KDM4C: variants seen among roughly 807,000 people sequenced by gnomAD.
The protein encoded by KDM4C is lysine demethylase 4C.
A neutral mutation model predicts 129.3 loss-of-function variants in KDM4C; 81 were observed. The ratio of observed to expected loss-of-function variants is 0.63; its 90% CI spans 0.52 to 0.75. KDM4C has a LOEUF of 0.75. KDM4C is among the 30% of genes least tolerant of loss of function. The pLI, the probability that KDM4C is intolerant of heterozygous loss-of-function variation, is 0.00. For synonymous variants in KDM4C, 573 were observed against 456.1 expected (o/e 1.26, Z -3.26); for missense variants, 1,457 against 1,304.0 (o/e 1.12, Z -1.81).
chr9:7,114,232 T>A (rs1168198101), intron 18 of KDM4C, among the ~76,000 whole-genome samples: 1 of 152,086 alleles, frequency 6.6e-6, no homozygotes, highest in Non-Finnish European at 1.5e-5. Context: ...ACCTGTAAAA[T>A]CTCTCTGCAG....
intron 17 of KDM4C, among the ~76,000 whole-genome samples, chr9:7,058,633 C>T (rs1165193762): frequency 1.3e-5 from 2 of 151,708 alleles, no homozygotes; most frequent in Non-Finnish European, 2.9e-5. Flanking sequence ...AGGCATCTGG[C>T]ATTAAAAAAA....
At chr9:7,074,540 A>G (rs977997707) in intron 17 of KDM4C, among the ~76,000 whole-genome samples, 1 of 152,176 alleles carries the variant, frequency 6.6e-6, no homozygotes, top group Non-Finnish European at 1.5e-5. Flanking sequence ...AAAGTCACGT[A>G]TAAATGATGT....
At chr9:6,981,178 G>A in intron 9 of KDM4C, 60 bp downstream of exon 9, 1 of 1,348,668 alleles carries the variant, frequency 7.4e-7, no homozygotes, top group Non-Finnish European at 1.0e-6. Context: ...GTTAAAATGG[G>A]TCATTGGATG....
At chr9:6,901,377 T>G (rs545572334) in intron 8 of KDM4C, among the ~76,000 whole-genome samples, 1 of 152,278 alleles carries the variant, frequency 6.6e-6, no homozygotes, top group South Asian at 2.1e-4. Flanking sequence ...TTACCTCACA[T>G]AAGGGATTGT....
chr9:7,006,353 C>G (rs1453644865), intron 12 of KDM4C, among the ~76,000 whole-genome samples: 5 of 152,166 alleles, frequency 3.3e-5, no homozygotes, highest in African/African-American at 1.2e-4. Context: ...AGGCAGACCT[C>G]TCTGACTGTT....
intron 17 of KDM4C, among the ~76,000 whole-genome samples, chr9:7,079,408 C>A (rs1449046285): frequency 6.6e-6 from 1 of 152,190 alleles, no homozygotes; most frequent in Admixed American, 6.5e-5. Flanking sequence ...ACTACAACCC[C>A]TGCCTCCTGG....
intron 1 of KDM4C, among the ~76,000 whole-genome samples, chr9:6,747,328 G>A (rs1817916174): frequency 6.6e-6 from 1 of 150,946 alleles, no homozygotes; most frequent in Admixed American, 6.6e-5. Flanking sequence ...GGGGCGGATC[G>A]CGAGGTCAGG....
At chr9:7,149,980 GTA>G (rs1418139200) in intron 19 of KDM4C, among the ~76,000 whole-genome samples, 1 of 152,188 alleles carries the variant, frequency 6.6e-6, no homozygotes, top group Non-Finnish European at 1.5e-5. Flanking sequence ...TTGGCTCCTG[GTA>G]TGGTGGGGCA....
chr9:6,885,924 A>C lies in KDM4C; in HGVS notation c.680-2036A>C, dbSNP rs143790703. Among the ~76,000 whole-genome samples, 66 of 152,356 alleles carry C rather than the reference A, an allele frequency of 4.3e-4. No individual in the cohort carries two copies. In the Middle Eastern group the frequency reaches 0.01, roughly 24 times the overall value. On this transcript the variant is annotated intron_variant, in intron 6 of 21. Coordinates refer to ENST00000381309, the MANE Select transcript of KDM4C (RefSeq NM_015061.6). ...TTAGGTTAACTTATGACCAGTCACC[A>C]CATTGTTCAGGTCCTGATTACAAAT...
chr9:6,764,711 G>T (rs1563953074), intron 1 of KDM4C, among the ~76,000 whole-genome samples: 1 of 152,088 alleles, frequency 6.6e-6, no homozygotes, highest in Non-Finnish European at 1.5e-5. Context: ...ATTCTTCTGG[G>T]TTTATATTGT....
intron 17 of KDM4C, among the ~76,000 whole-genome samples, chr9:7,052,866 A>AGAGAGAGAGG (rs1389432031): frequency 1.6e-4 from 4 of 24,828 alleles, no homozygotes; most frequent in African/African-American, 4.6e-4. Context: ...ACACCTGCAG[A>AGAGAGAGAGG]GAGAGAGAGA....
At chr9:6,875,700 A>G (rs775533296) in intron 5 of KDM4C, among the ~76,000 whole-genome samples, 16 of 152,276 alleles carry the variant, frequency 1.1e-4, no homozygotes, top group Middle Eastern at 3.4e-3. Flanking sequence ...TGAGCACTTG[A>G]TGTTGCTGAG....
chr9:7,000,056 T>A (rs1381178685), intron 12 of KDM4C, among the ~76,000 whole-genome samples: 1 of 152,244 alleles, frequency 6.6e-6, no homozygotes, highest in East Asian at 1.9e-4. Flanking sequence ...AGCCAGTGTT[T>A]TCCTGCGTTA....
chr9:6,815,569 A>AC (rs1564077944), intron 4 of KDM4C, among the ~76,000 whole-genome samples: 1 of 152,152 alleles, frequency 6.6e-6, no homozygotes, highest in African/African-American at 2.4e-5. Context: ...CTAGTGCAAT[A>AC]CACACCTGGA....
rs867335031 is a variant in KDM4C at position 6,799,088 on chromosome 9, T to G, written c.144+5956T>G. ...CGCTCCTCACTTTCCAGACTGGGCA[T>G]CCAGGCAGAGGGGCTCCTCACGTCC... is the stretch of plus-strand genomic sequence containing the variant. On this transcript the variant is annotated intron_variant, in intron 2 of 21. Coordinates refer to ENST00000381309, the MANE Select transcript of KDM4C (RefSeq NM_015061.6). 4.3e-3 allele frequency among the ~76,000 whole-genome samples: 628 copies of G among 146,064 alleles called. 9 individuals carry two copies. The highest frequency in any genetic ancestry group is 0.015 in the African/African-American group (576 of 38,750).
At position 7,095,593 on chromosome 9, in the gene KDM4C, A is replaced by C. The variant is rs143105049; in HGVS notation, c.2425-8092A>C. On this transcript the variant is annotated intron_variant, in intron 17 of 21. Coordinates refer to ENST00000381309, the MANE Select transcript of KDM4C (RefSeq NM_015061.6). ...CTTCCTAAATTGTGCCATATGGGAA[A>C]ATTATGTGTCCTTTAATTTAACTAA... Among the ~76,000 whole-genome samples the C allele has an allele frequency of 1.2e-3, 177 of 152,308 alleles. 1 individual carries two copies. Among genetic ancestry groups the C allele is most frequent in the African/African-American group, 4.0e-3 (166 of 41,580 alleles).
chr9:7,007,646 G>A (rs1042468742), intron 12 of KDM4C, among the ~76,000 whole-genome samples: 1 of 152,158 alleles, frequency 6.6e-6, no homozygotes, highest in African/African-American at 2.4e-5. Context: ...ATGTACACAT[G>A]TATATGGCAG....
At chr9:6,826,459 C>T (rs1833886756) in intron 4 of KDM4C, among the ~76,000 whole-genome samples, 1 of 152,042 alleles carries the variant, frequency 6.6e-6, no homozygotes, top group South Asian at 2.1e-4. Flanking sequence ...TCCATAATTG[C>T]ATATAAAAAA....
At chr9:6,988,396 T>C (rs17505270) in intron 11 of KDM4C, among the ~76,000 whole-genome samples, 20,574 of 151,892 alleles carry the variant, frequency 0.14, 1,913 homozygotes, top group South Asian at 0.35. Flanking sequence ...ATCTTTATCA[T>C]TTCCCCAAGC....
Sources: gnomAD v4.1 joint callset for allele counts (sites outside exome capture counted in the v4.1 genomes callset) on GRCh38, gnomAD v4.1.1 for gene constraint, MANE v1.5 for transcripts, NCBI Gene and HGNC (gene_info 2026-07-23, HGNC 2026-07-21) for gene names.